The following NRXN1 variants were observed in gnomAD, a reference collection of about 807,000 sequenced individuals.
NRXN1 encodes neurexin-1.
In NRXN1, 39 loss-of-function variants were observed where a neutral mutation model predicts 150.9. The observed-to-expected ratio is 0.26, with a 90% CI of 0.20 to 0.34. The LOEUF is 0.34. Among genes scored for constraint, NRXN1 ranks in the 10% least tolerant of loss-of-function variants. NRXN1 has a pLI of 1.00. For synonymous variants in NRXN1, 924 were observed against 757.0 expected (o/e 1.22, Z -3.62); for missense variants, 1,815 against 1,949.9 (o/e 0.93, Z 1.30).
intron 2 of NRXN1, among the ~76,000 whole-genome samples, chr2:50,933,440 G>A (rs926987864): frequency 6.6e-6 from 1 of 152,028 alleles, no homozygotes; most frequent in Admixed American, 6.6e-5. Context: ...CCTGGGAACT[G>A]AGCAGCAAAT....
In NRXN1 at chr2:50,046,187, G is replaced by C. The variant is rs1217868776; in HGVS notation, c.4128+7084C>G. Among the ~76,000 whole-genome samples the C allele has an allele frequency of 2.0e-5, 3 of 152,156 alleles. No individual in the cohort carries two copies. In the East Asian group the frequency reaches 5.8e-4, roughly 29 times the overall value. On this transcript the variant is annotated intron_variant, in intron 21 of 22. Coordinates refer to ENST00000401669, the MANE Select transcript of NRXN1 (RefSeq NM_001330078.2). ...AACAGCGCAAGTTATGGGAATCCTT[G>C]GACAGCTCTTCGTTGTCCAGGACTG...
chr2:50,122,937 A>C (rs1260790509), intron 18 of NRXN1, among the ~76,000 whole-genome samples: 1 of 152,192 alleles, frequency 6.6e-6, no homozygotes, highest in Non-Finnish European at 1.5e-5. Context: ...GTTTCATTGA[A>C]TCTTTCCTAA....
intron 21 of NRXN1, among the ~76,000 whole-genome samples, chr2:49,998,781 T>A (rs1683416960): frequency 6.6e-6 from 1 of 152,180 alleles, no homozygotes; most frequent in African/African-American, 2.4e-5. Context: ...GCTTCTTGCC[T>A]ACACGAAGTA....
chr2:50,116,248 G>A (rs563307223), intron 18 of NRXN1, among the ~76,000 whole-genome samples: 1 of 152,072 alleles, frequency 6.6e-6, no homozygotes, highest in African/African-American at 2.4e-5. Flanking sequence ...GGTATTGCAG[G>A]CCCTAATAAA....
chr2:50,139,717 T>G (rs1427812409), intron 18 of NRXN1, among the ~76,000 whole-genome samples: 4 of 152,178 alleles, frequency 2.6e-5, no homozygotes, highest in African/African-American at 9.7e-5. Context: ...CAGATGTAAT[T>G]GGAAATGTTA....
intron 9 of NRXN1, among the ~76,000 whole-genome samples, chr2:50,550,520 G>T (rs1206359609): frequency 6.6e-6 from 1 of 151,156 alleles, no homozygotes; most frequent in Non-Finnish European, 1.5e-5. Flanking sequence ...CCATGCCCAC[G>T]CCACTTCAAA....
intron 5 of NRXN1, among the ~76,000 whole-genome samples, chr2:50,788,243 T>C (rs1469347616): frequency 6.6e-6 from 1 of 151,826 alleles, no homozygotes; most frequent in African/African-American, 2.4e-5. Flanking sequence ...CCCGCCACCA[T>C]GCCTGGTTAA....
chr2:50,138,219 T>G (rs1302886980), intron 18 of NRXN1, among the ~76,000 whole-genome samples: 3 of 152,194 alleles, frequency 2.0e-5, no homozygotes, highest in South Asian at 4.1e-4. Context: ...ATAAATTCAG[T>G]TGGAATTTTT....
At chr2:50,988,432 T>C (rs906987995) in intron 2 of NRXN1, among the ~76,000 whole-genome samples, 5 of 151,978 alleles carry the variant, frequency 3.3e-5, no homozygotes, top group African/African-American at 1.2e-4. Context: ...CAGTTTTGTT[T>C]GGACAAATAA....
At chr2:50,567,378 A>G (rs1670034435) in intron 8 of NRXN1, among the ~76,000 whole-genome samples, 1 of 152,058 alleles carries the variant, frequency 6.6e-6, no homozygotes, top group South Asian at 2.1e-4. Flanking sequence ...CATTTTTTTC[A>G]TTGTAACTGA....
chr2:50,975,334 G>C lies in NRXN1; in HGVS notation c.773-49379C>G, dbSNP rs575335907. On this transcript the variant is annotated intron_variant, in intron 2 of 22. Coordinates refer to ENST00000401669, the MANE Select transcript of NRXN1 (RefSeq NM_001330078.2). Reference sequence around the variant, plus strand: ...AAGAGATCAAGAGTCCAAAAAGTTTGAGAACTGCTAATCTAAAGCAAGCTT... The same window carrying C: ...AAGAGATCAAGAGTCCAAAAAGTTTCAGAACTGCTAATCTAAAGCAAGCTT... Among the ~76,000 whole-genome samples the C allele has an allele frequency of 3.3e-5, 5 of 152,178 alleles. No homozygotes were observed. The East Asian group carries it at 9.7e-4, about 29-fold the overall frequency.
intron 17 of NRXN1, among the ~76,000 whole-genome samples, chr2:50,297,927 G>C (rs1159836315): frequency 6.6e-6 from 1 of 152,070 alleles, no homozygotes; most frequent in Non-Finnish European, 1.5e-5. Flanking sequence ...AACAAAATCC[G>C]GGCACTTGAC....
chr2:50,407,442 G>A (rs2082829104), intron 17 of NRXN1, among the ~76,000 whole-genome samples: 1 of 152,062 alleles, frequency 6.6e-6, no homozygotes, highest in South Asian at 2.1e-4. Context: ...ACTGTCTTCA[G>A]CCTCATTGAT....
chr2:50,893,330 T>G (rs17041091), intron 5 of NRXN1, among the ~76,000 whole-genome samples: 23,157 of 152,160 alleles, frequency 0.15, 2,033 homozygotes, highest in East Asian at 0.23. Context: ...GGACAGACAA[T>G]TATTTTGTAG....
chr2:50,244,401 TA>T lies in NRXN1; in HGVS notation c.3365-7432del, dbSNP rs2066314114. 2.0e-5 allele frequency among the ~76,000 whole-genome samples: 3 copies of T among 152,004 alleles called. No homozygotes were observed. In the Admixed American group the frequency reaches 2.0e-4, roughly 10 times the overall value. Reference sequence around the variant, plus strand: ...GTTAATGATGTTCATTGGTGTCGTATAAAACTATGACTCTACATAATCAATG... The same window carrying T: ...GTTAATGATGTTCATTGGTGTCGTATAAACTATGACTCTACATAATCAATG... On this transcript the variant is annotated intron_variant, in intron 17 of 22. Transcript: ENST00000401669.
intron 15 of NRXN1, among the ~76,000 whole-genome samples, chr2:50,473,706 T>C (rs1332585432): frequency 5.9e-5 from 9 of 152,058 alleles, no homozygotes; most frequent in East Asian, 1.9e-4. Context: ...TCCTTCTGTG[T>C]TGTCTTCACG....
intron 2 of NRXN1, among the ~76,000 whole-genome samples, chr2:50,927,876 AT>A (rs758726026): frequency 1.3e-5 from 2 of 152,046 alleles, no homozygotes; most frequent in African/African-American, 2.4e-5. Context: ...TAAAACTACA[AT>A]TAAAAAAAAA....
At position 50,977,364 on chromosome 2, in the gene NRXN1, CATA is replaced by C. The variant is rs541379885; in HGVS notation, c.772+50135_772+50137del. On this transcript the variant is annotated intron_variant, in intron 2 of 22. Transcript: ENST00000401669. ...ATATGAGCATATTTTATATGTGATA[CATA>C]ATATTATATACATAATTTTACATAT... Among the ~76,000 whole-genome samples the C allele has an allele frequency of 5.4e-3, 822 of 151,768 alleles. 5 individuals carry two copies. Among genetic ancestry groups the C allele is most frequent in the African/African-American group, 0.019 (779 of 41,488 alleles).
chr2:50,688,866 C>T (rs142404513), intron 5 of NRXN1, among the ~76,000 whole-genome samples: 186 of 152,280 alleles, frequency 1.2e-3, no homozygotes, highest in African/African-American at 4.2e-3. Flanking sequence ...CTGCTAATCA[C>T]TTAGTTTGGT....
Sources: allele counts gnomAD v4.1 joint callset (sites outside exome capture counted in the v4.1 genomes callset), GRCh38; gene constraint gnomAD v4.1.1; transcripts MANE v1.5; gene names NCBI Gene and HGNC (gene_info 2026-07-23, HGNC 2026-07-21).